Variants in TLN1 observed in about 807,000 individuals in gnomAD.
TLN1 encodes the protein talin-1.
In TLN1, 56 loss-of-function variants were observed where a neutral mutation model predicts 292.3. The ratio of observed to expected loss-of-function variants is 0.19; its 90% confidence interval spans 0.15 to 0.24. The LOEUF (loss-of-function observed/expected upper bound fraction) is 0.24. TLN1 is among the 10% of genes least tolerant of loss of function. The pLI, the probability that TLN1 is intolerant of heterozygous loss-of-function variation, is 1.00. For missense variants in TLN1, 2,433 were observed against 3,248.2 expected (o/e 0.75, Z 6.10); for synonymous variants, 1,119 against 1,253.7 (o/e 0.89, Z 2.27).
chr9:35,718,280 G>A (rs991011014), intron 17 of TLN1, among the ~76,000 whole-genome samples: 2 of 152,248 alleles, frequency 1.3e-5, no homozygotes, highest in African/African-American at 4.8e-5. Context: ...CCAGGAGGCT[G>A]AGGAAGAAGT....
At chr9:35,708,624 A>T in intron 33 of TLN1, 140 bp from the exon 34 acceptor site, 1 of 748,990 alleles carries the variant, frequency 1.3e-6, no homozygotes, top group Non-Finnish European at 1.9e-6. Context: ...GTGGAGATAC[A>T]TTAGCAAACA....
chr9:35,721,875 G>A lies in TLN1; in HGVS notation c.949-72C>T, dbSNP rs1280387362. 4 of 1,571,886 alleles carry A rather than the reference G, an allele frequency of 2.5e-6. No homozygotes were observed. The Middle Eastern group carries it at 6.7e-4, about 264-fold the overall frequency. ...GAGAGGTGAATGATCAGATCAGCTT[G>A]CAGCCATAGGGGATGTTGAGGTGGC... On this transcript the variant is annotated intron_variant, in intron 9 of 56. Coordinates refer to ENST00000314888, the MANE Select transcript of TLN1 (RefSeq NM_006289.4).
chr9:35,725,423 TA>T, intron 2 of TLN1, 102 bp from the exon 3 acceptor site: 1 of 1,535,866 alleles, frequency 6.5e-7, no homozygotes, highest in Middle Eastern at 1.8e-4. Flanking sequence ...ACCTTGGGCC[TA>T]AAGAACGAGG....
Position 35,698,256 on chromosome 9 carries a change from A to G in TLN1, c.7371+67T>C. On this transcript the variant is annotated intron_variant, in intron 55 of 56. Transcript: ENST00000314888. This position sits in a 1 kb window ranked among gnomAD's most constrained non-coding sequence, Gnocchi z 5.3. ...TACCTCAATTCTCTCATAGAAACAT[A>G]CATCTCGGGAGTGACAGTTTGAAGC... 6.2e-7 allele frequency: 1 copy of G among 1,608,010 alleles called. No individual in the cohort carries two copies. The highest frequency in any genetic ancestry group is 1.1e-5 in the South Asian group (1 of 90,812).
rs367897924 is a variant in TLN1 at position 35,725,407 on chromosome 9, C to CCCATGA, written c.131-92_131-87dup. On this transcript the variant is annotated intron_variant, in intron 2 of 56. Coordinates refer to ENST00000314888, the MANE Select transcript of TLN1 (RefSeq NM_006289.4). ...TACCATGTTGCCCCTGACTATTTCT[C>CCCATGA]CCATGACCTTGGGCCTAAAGAACGA... 2.0e-4 allele frequency: 304 copies of CCCATGA among 1,545,968 alleles called. 1 individual carries two copies. The African/African-American group carries it at 3.6e-3, about 18-fold the overall frequency.
chr9:35,717,306 C>T lies in TLN1; in HGVS notation c.2298G>A (p.Gly766=), dbSNP rs766785931. The change falls in exon 19 of 57, where the codon GGG becomes GGA. Residue 766 remains glycine, a synonymous_variant. Transcript: ENST00000314888. This position sits in a 1 kb window ranked among gnomAD's most constrained non-coding sequence, Gnocchi z 4.7. The part of the protein sequence containing the change: ...AATEDGQLLR[G]VGAAATAVTQ... Reference sequence around the variant, plus strand: ...TGACAGCTGTGGCTGCTGCTCCTACCCCTCGCAACAGTTGCCCATCCTCTG... The same window carrying T: ...TGACAGCTGTGGCTGCTGCTCCTACTCCTCGCAACAGTTGCCCATCCTCTG... 11 of 1,614,154 alleles carry T rather than the reference C, an allele frequency of 6.8e-6. No homozygotes were observed. The South Asian group carries it at 1.2e-4, about 18-fold the overall frequency.
At position 35,720,042 on chromosome 9, in the gene TLN1, A is replaced by C. The variant is rs879231079; in HGVS notation, c.1461T>G (p.Pro487=). ...SGQMHRGHMP[P]LTSAQQALTG... is the part of the protein sequence containing the mutation. ...GTGGTGGAAGTGGGACACTTACCAG[A>C]GGAGGCATGTGTCCTCGGTGCATCT... is the stretch of plus-strand genomic sequence containing the variant. Residue 487 remains proline, a synonymous_variant, in exon 13 of 57, where the codon CCT becomes CCG. Transcript: ENST00000314888. 1 of 1,586,120 alleles carries C rather than the reference A, an allele frequency of 6.3e-7. No individual in the cohort carries two copies. The highest frequency in any genetic ancestry group is 1.3e-5 in the African/African-American group (1 of 74,082).
At position 35,699,305 on chromosome 9, in the gene TLN1, C is replaced by T. The variant is rs1055602869; in HGVS notation, c.6874+51G>A. 6.3e-7 allele frequency: 1 copy of T among 1,576,888 alleles called. No homozygotes were observed. The highest frequency in any genetic ancestry group is 1.8e-5 in the Admixed American group (1 of 56,130). Reference sequence around the variant, plus strand: ...AGCTGTCCAGCCAGGAAGCAGAGATCACACCATGATAAGGGTTTTCCATCC... The same window carrying T: ...AGCTGTCCAGCCAGGAAGCAGAGATTACACCATGATAAGGGTTTTCCATCC... On this transcript the variant is annotated intron_variant, in intron 51 of 56. Transcript: ENST00000314888. This position sits in a 1 kb window ranked among gnomAD's most constrained non-coding sequence, Gnocchi z 4.0.
rs765981142 is a variant in TLN1 at position 35,711,577 on chromosome 9, C to T, written c.3879+18G>A. On this transcript the variant is annotated intron_variant, in intron 29 of 56. Coordinates refer to ENST00000314888, the MANE Select transcript of TLN1 (RefSeq NM_006289.4). ...CCTTAGTGGGAACCATTCAACCAGA[C>T]CCTCTGCCTCTTCATACCGGAGCCT... 2 of 1,613,394 alleles carry T rather than the reference C, an allele frequency of 1.2e-6. No individual in the cohort carries two copies. Among genetic ancestry groups the T allele is most frequent in the African/African-American group, 1.3e-5 (1 of 75,026 alleles).
chr9:35,716,877 T>G (rs1005551585), intron 19 of TLN1, among the ~76,000 whole-genome samples: 1 of 152,112 alleles, frequency 6.6e-6, no homozygotes, highest in Admixed American at 6.6e-5. Flanking sequence ...GCTATACCAC[T>G]TTCATGTCAC....
chr9:35,698,772 A>G lies in TLN1; in HGVS notation c.7125+36T>C. ...TGTGGATGTGGACATCAAAGTGCCA[A>G]CCTGTCCCCATTCTTCTGGGTATTT... is the stretch of plus-strand genomic sequence containing the variant. On this transcript the variant is annotated intron_variant, in intron 53 of 56. Transcript: ENST00000314888. The surrounding 1 kb of genome is among the most constrained non-coding windows in gnomAD (Gnocchi z 5.3). The G allele has an allele frequency of 6.2e-7, 1 of 1,613,694 alleles. No homozygotes were observed. The highest frequency in any genetic ancestry group is 1.7e-5 in the Admixed American group (1 of 60,020).
intron 2 of TLN1, 71 bp from the exon 3 acceptor site, chr9:35,725,392 C>T: frequency 6.4e-7 from 1 of 1,554,606 alleles, no homozygotes; most frequent in Non-Finnish European, 8.8e-7. Context: ...TACCATGTTG[C>T]CCCTGACTAT....
chr9:35,709,037 A>G (rs1333304551), intron 33 of TLN1, among the ~76,000 whole-genome samples: 1 of 152,260 alleles, frequency 6.6e-6, no homozygotes. Context: ...CAATCAATAC[A>G]CAGTAGCTTT....
chr9:35,705,908 G>A (rs1825557204), intron 41 of TLN1, 54 bp downstream of exon 41: 3 of 1,614,090 alleles, frequency 1.9e-6, no homozygotes, highest in African/African-American at 1.3e-5. Context: ...CACTGTGCTT[G>A]GAGGCTCTGG....
chr9:35,717,593 G>C lies in TLN1; in HGVS notation c.2163+26C>G. ...GTGTGGTAGTATTACCCCTCAGCAC[G>C]GACTAGAGCAACCTTTGGGGCTCAC... On this transcript the variant is annotated intron_variant, in intron 18 of 56. Coordinates refer to ENST00000314888, the MANE Select transcript of TLN1 (RefSeq NM_006289.4). The surrounding 1 kb of genome is among the most constrained non-coding windows in gnomAD (Gnocchi z 4.7). The C allele has an allele frequency of 6.3e-7, 1 of 1,597,646 alleles. No individual in the cohort carries two copies. The highest frequency in any genetic ancestry group is 8.6e-7 in the Non-Finnish European group (1 of 1,166,826).
rs1476207224 is a variant in TLN1 at position 35,699,334 on chromosome 9, C to T, written c.6874+22G>A. On this transcript the variant is annotated intron_variant, in intron 51 of 56. Transcript: ENST00000314888. The surrounding 1 kb of genome is among the most constrained non-coding windows in gnomAD (Gnocchi z 4.0). ...CCATGATAAGGGTTTTCCATCCGTCCCTGTCCCTGGTCACCCCTCACCCTT... is the reference window on the plus strand; with the variant it reads ...CCATGATAAGGGTTTTCCATCCGTCTCTGTCCCTGGTCACCCCTCACCCTT... 1.9e-5 allele frequency: 31 copies of T among 1,601,674 alleles called. No homozygotes were observed. The highest frequency in any genetic ancestry group is 2.6e-5 in the Non-Finnish European group (31 of 1,173,508).
rs767938623 is a variant in TLN1 at position 35,703,985 on chromosome 9, C to T, written c.6231+6G>A. 6 of 1,612,554 alleles carry T rather than the reference C, an allele frequency of 3.7e-6. No individual in the cohort carries two copies. Among genetic ancestry groups the T allele is most frequent in the Non-Finnish European group, 4.2e-6 (5 of 1,178,874 alleles). ...CCAGCCGGAATTAGGGGCATCAGGT[C>T]ACTACCTGGGTCTCAGGGTCCTCAG... On this transcript the variant is annotated splice_donor_region_variant and intron_variant, in intron 46 of 56. Transcript: ENST00000314888.
Position 35,707,598 on chromosome 9 carries a change from T to C in TLN1, c.4633-110A>G. 6.4e-7 allele frequency: 1 copy of C among 1,571,952 alleles called. No individual in the cohort carries two copies. Among genetic ancestry groups the C allele is most frequent in the Non-Finnish European group, 8.7e-7 (1 of 1,154,294 alleles). Reference sequence around the variant, plus strand: ...TTACAGGATTTGGGGAGAGGCTAGGTGGTCAGTCTGAATAGAAAGAGCTTG... The same window carrying C: ...TTACAGGATTTGGGGAGAGGCTAGGCGGTCAGTCTGAATAGAAAGAGCTTG... On this transcript the variant is annotated intron_variant, in intron 35 of 56. Coordinates refer to ENST00000314888, the MANE Select transcript of TLN1 (RefSeq NM_006289.4). The surrounding 1 kb of genome is among the most constrained non-coding windows in gnomAD (Gnocchi z 5.6).
In TLN1 at chr9:35,700,262, G is replaced by A. The variant is rs761387809; in HGVS notation, c.6589C>T (p.Arg2197Cys). Residue 2197 changes from arginine (R) to cysteine (C), a missense_variant, in exon 49 of 57, where the codon CGC becomes TGC. Arg to Cys is a radical substitution (Grantham distance 180, BLOSUM62 -3). Transcript: ENST00000314888. Reference protein sequence around the residue: ...AKAVAAGNSCRQEDVIATANL... With the variant: ...AKAVAAGNSCCQEDVIATANL... ...GCTGTGGCAATGACATCTTCCTGGC[G>A]ACAGGAATTGCCAGCAGCAACGGCC... 26 of 1,613,414 alleles carry A rather than the reference G, an allele frequency of 1.6e-5. No individual in the cohort carries two copies. The highest frequency in any genetic ancestry group is 1.8e-5 in the Non-Finnish European group (21 of 1,179,516).
Sources: allele counts gnomAD v4.1 joint callset (sites outside exome capture counted in the v4.1 genomes callset), GRCh38; gene constraint gnomAD v4.1.1; non-coding constraint Gnocchi (gnomAD v3.1); transcripts MANE v1.5; gene names NCBI Gene and HGNC (gene_info 2026-07-23, HGNC 2026-07-21).